WDR12: variants seen among roughly 807,000 people sequenced by gnomAD.
WDR12 encodes ribosome biogenesis protein WDR12.
A neutral mutation model predicts 64.3 loss-of-function variants in WDR12; 42 were observed. The ratio of observed to expected loss-of-function variants is 0.65; its 90% CI spans 0.51 to 0.84. The LOEUF is 0.84. Among genes scored for constraint, WDR12 ranks in the 40% least tolerant of loss-of-function variants. The pLI is 0.00. For synonymous variants in WDR12, 158 were observed against 173.3 expected (o/e 0.91, Z 0.70); for missense variants, 469 against 494.6 (o/e 0.95, Z 0.49).
At chr2:202,887,946 TATC>T (rs1179207930) in intron 8 of WDR12, among the ~76,000 whole-genome samples, 4 of 151,098 alleles carry the variant, frequency 2.6e-5, no homozygotes, top group Admixed American at 2.0e-4. Flanking sequence ...TAGGCAAACT[TATC>T]ATATGAATAA....
intron 2 of WDR12, 94 bp downstream of exon 2, chr2:202,907,771 A>G (rs1688484450): frequency 1.1e-6 from 1 of 942,260 alleles, no homozygotes; most frequent in South Asian, 1.6e-5. Context: ...TACAAAATTC[A>G]TACAGTATCA....
intron 5 of WDR12, among the ~76,000 whole-genome samples, chr2:202,896,855 T>C (rs913544240): frequency 2.0e-5 from 3 of 151,058 alleles, no homozygotes; most frequent in African/African-American, 7.3e-5. Context: ...GGCGTGATGG[T>C]AGGTGCCTGT....
chr2:202,886,791 G>T (rs1203986082), intron 8 of WDR12, among the ~76,000 whole-genome samples: 2 of 148,964 alleles, frequency 1.3e-5, no homozygotes, highest in Non-Finnish European at 3.0e-5. Context: ...AAAAAAAGAG[G>T]AAAAGAATTC....
At chr2:202,911,062 A>G (rs1688606385) in intron 1 of WDR12, among the ~76,000 whole-genome samples, 1 of 152,208 alleles carries the variant, frequency 6.6e-6, no homozygotes. Flanking sequence ...CCTTGAGACC[A>G]CTGGTTAAAA....
At chr2:202,903,125 A>C (rs1177122568) in intron 2 of WDR12, among the ~76,000 whole-genome samples, 1 of 152,086 alleles carries the variant, frequency 6.6e-6, no homozygotes, top group African/African-American at 2.4e-5. Flanking sequence ...ATATACATCT[A>C]TTCTATTAGT....
Position 202,883,718 on chromosome 2 carries a change from G to C in WDR12, c.1012C>G (p.Leu338Val), listed in dbSNP as rs778649358. 6.2e-7 allele frequency: 1 copy of C among 1,614,094 alleles called. No homozygotes were observed. Among genetic ancestry groups the C allele is most frequent in the East Asian group, 2.2e-5 (1 of 44,880 alleles). ...TKDGSLVSLS[L>V]TSHTGWVTSV... ...GTCACCCAACCAGTATGTGACGTTA[G>C]GGACAGCGACACCAAAGAACCATCT... Residue 338 changes from leucine (L) to valine (V), a missense_variant, in exon 11 of 13, where the codon CTA (leucine) becomes GTA (valine). Coordinates refer to ENST00000261015, the MANE Select transcript of WDR12 (RefSeq NM_018256.4).
chr2:202,893,324 T>A (rs1688185987), intron 7 of WDR12, among the ~76,000 whole-genome samples: 1 of 152,124 alleles, frequency 6.6e-6, no homozygotes, highest in Admixed American at 6.6e-5. Context: ...TGTAAAACAT[T>A]AAAACGTTTT....
Position 202,875,266 on chromosome 2 carries a change from T to C in WDR12, c.*5594A>G, listed in dbSNP as rs1198938753. The C allele has an allele frequency of 2.6e-5, 4 of 152,180 alleles. No individual in the cohort carries two copies. The highest frequency in any genetic ancestry group is 1.5e-5 in the Non-Finnish European group (1 of 68,044). 9.4% of individuals were successfully genotyped at this position (152,180 alleles called of 1,614,324 possible). A position where few individuals can be genotyped will look rare whatever the true frequency, so the allele number is the denominator to read the frequency against. On this transcript the variant is annotated 3_prime_UTR_variant, in exon 13 of 13. Coordinates refer to ENST00000261015, the MANE Select transcript of WDR12 (RefSeq NM_018256.4). ...TTGATCTTTATACATTTATATACTA[T>C]TACAGTAATACGTTTAGTGGCACGC...
In WDR12 at chr2:202,884,208, G is replaced by A; in HGVS notation, c.978C>T (p.Pro326=). Residue 326 remains proline (P), a synonymous_variant, in exon 10 of 13, where the codon CCC becomes CCT. Transcript: ENST00000261015. ...STDRHIRLWD[P]RTKDGSLVSL... is the part of the protein sequence containing the mutation. Reference sequence around the variant, plus strand: ...GTTTACATGACTCACCTTTAGTTCGGGGATCCCACAGTCTGATATGCCTAT... The same window carrying A: ...GTTTACATGACTCACCTTTAGTTCGAGGATCCCACAGTCTGATATGCCTAT... 3.1e-6 allele frequency: 5 copies of A among 1,612,722 alleles called. No individual in the cohort carries two copies. The highest frequency in any genetic ancestry group is 4.2e-6 in the Non-Finnish European group (5 of 1,179,922).
rs1687823731 is a variant in WDR12 at position 202,874,485 on chromosome 2, A to ATTAGT, written c.*6374_*6375insACTAA. Among the ~76,000 whole-genome samples, 1 of 152,202 alleles carries ATTAGT rather than the reference A, an allele frequency of 6.6e-6. No individual in the cohort carries two copies. Among genetic ancestry groups the ATTAGT allele is most frequent in the Admixed American group, 6.6e-5 (1 of 15,266 alleles). On this transcript the variant is annotated 3_prime_UTR_variant, in exon 13 of 13. Transcript: ENST00000261015. The stretch of plus-strand genomic sequence containing the variant: ...GTTTCTTTAAAGACTAATGGTCTTC[A>ATTAGT]CTTTTGTTTTTGTGCAAACCTCTGG...
intron 12 of WDR12, 82 bp downstream of exon 12, chr2:202,882,629 G>A (rs1049923349): frequency 3.3e-5 from 49 of 1,471,554 alleles, no homozygotes; most frequent in Non-Finnish European, 4.0e-5. Context: ...CACCCGGCCC[G>A]AAACTAATAC....
chr2:202,892,845 C>T, intron 7 of WDR12, 143 bp from the exon 8 acceptor site: 1 of 430,334 alleles, frequency 2.3e-6, no homozygotes. Context: ...TTTTGGTTAA[C>T]AGAAAGTTAT....
At position 202,883,512 on chromosome 2, in the gene WDR12, T is replaced by G. The variant is rs1375545731; in HGVS notation, c.1121+97A>C. ...GAGGTTGCAAAACCATGAGGCTTTT[T>G]TTACTCTTCTGGTTTTAGATAAGAA... On this transcript the variant is annotated intron_variant, in intron 11 of 12. Transcript: ENST00000261015. 2.9e-6 allele frequency: 4 copies of G among 1,365,280 alleles called. No homozygotes were observed. The East Asian group carries it at 9.8e-5, about 34-fold the overall frequency. The allele number at this position is 1,365,280 out of a possible 1,614,324, so 84.6% of individuals were successfully genotyped here. A position where few individuals can be genotyped will look rare whatever the true frequency, so the allele number is the denominator to read the frequency against.
intron 4 of WDR12, among the ~76,000 whole-genome samples, chr2:202,897,932 A>G (rs1229524752): frequency 8.6e-6 from 1 of 116,468 alleles, no homozygotes; most frequent in Non-Finnish European, 1.9e-5. Context: ...TATAAAAAAT[A>G]TATATCATAT....
chr2:202,897,241 AT>A (rs1688260751), intron 5 of WDR12, 58 bp downstream of exon 5: 13 of 1,229,264 alleles, frequency 1.1e-5, no homozygotes, highest in Middle Eastern at 3.7e-4. Context: ...AGCACCAAAA[AT>A]GGCTTATTTC....
At chr2:202,910,204 T>C (rs1688542229) in intron 1 of WDR12, among the ~76,000 whole-genome samples, 1 of 152,144 alleles carries the variant, frequency 6.6e-6, no homozygotes. Context: ...TGGCCTATTA[T>C]CTCTTACAAC....
intron 1 of WDR12, 120 bp from the exon 2 acceptor site, chr2:202,908,079 C>A: frequency 5.4e-6 from 5 of 921,796 alleles, no homozygotes; most frequent in Non-Finnish European, 8.5e-6. Context: ...CATTTTGCTA[C>A]ATGTTGTAAA....
chr2:202,901,483 T>A (rs1294276567), intron 2 of WDR12, among the ~76,000 whole-genome samples: 1 of 152,206 alleles, frequency 6.6e-6, no homozygotes, highest in Non-Finnish European at 1.5e-5. Context: ...TATCATTTCA[T>A]CTGTAAATAC....
intron 2 of WDR12, among the ~76,000 whole-genome samples, chr2:202,904,433 T>C (rs1688417119): frequency 6.6e-6 from 1 of 152,068 alleles, no homozygotes; most frequent in African/African-American, 2.4e-5. Flanking sequence ...ATTACCTGAC[T>C]TCAAATTATA....
Sources: allele counts gnomAD v4.1 joint callset (sites outside exome capture counted in the v4.1 genomes callset), GRCh38; gene constraint gnomAD v4.1.1; transcripts MANE v1.5; gene names NCBI Gene and HGNC (gene_info 2026-07-23, HGNC 2026-07-21).